The following ASNS variants were observed in gnomAD, a reference collection of about 807,000 sequenced individuals.
ASNS encodes the protein asparagine synthetase (glutamine-hydrolyzing).
A neutral mutation model predicts 62.6 loss-of-function variants in ASNS; 37 were observed. The observed-to-expected ratio is 0.59, with a 90% CI of 0.45 to 0.78. The LOEUF (loss-of-function observed/expected upper bound fraction) is 0.78. Ranked by LOEUF, ASNS falls within the 30% of genes least tolerant of loss-of-function variation. The pLI is 0.00. For synonymous variants in ASNS, 207 were observed against 237.9 expected (o/e 0.87, Z 1.19); for missense variants, 520 against 682.4 (o/e 0.76, Z 2.65).
intron 3 of ASNS, among the ~76,000 whole-genome samples, chr7:97,868,617 T>C (rs1206017501): frequency 6.6e-6 from 1 of 152,128 alleles, no homozygotes; most frequent in Non-Finnish European, 1.5e-5. Flanking sequence ...TTCTGTTCTT[T>C]ACTGTATGTT....
the ASNS span, chr7:97,898,499 C>A: frequency 1.8e-6 from 1 of 556,038 alleles, no homozygotes; most frequent in Admixed American, 2.4e-5. Flanking sequence ...CTAATGAAGA[C>A]ATCATGGAGA....
chr7:97,928,379 C>T, the ASNS span: 41 of 805,642 alleles, frequency 5.1e-5, no homozygotes, highest in Non-Finnish European at 5.7e-6. Flanking sequence ...GGCGTCTGAG[C>T]GCGGGCTCGG....
the ASNS span, among the ~76,000 whole-genome samples, chr7:97,912,100 C>G: frequency 4.6e-5 from 7 of 152,148 alleles, no homozygotes; most frequent in African/African-American, 1.4e-4. Flanking sequence ...GGACTCCTCC[C>G]GCAAGTTTAG....
intron 8 of ASNS, among the ~76,000 whole-genome samples, 169 bp from the exon 9 acceptor site, chr7:97,855,628 T>C (rs191427523): frequency 2.4e-4 from 37 of 152,346 alleles, no homozygotes; most frequent in Non-Finnish European, 4.9e-4. Flanking sequence ...CATTTATATG[T>C]ACTTAATCCA....
chr7:97,892,305 C>A, the ASNS span, among the ~76,000 whole-genome samples: 1 of 152,176 alleles, frequency 6.6e-6, no homozygotes, highest in African/African-American at 2.4e-5. Flanking sequence ...ACCATCTTTT[C>A]TTCCTAGGCC....
chr7:97,884,485 G>A, the ASNS span, among the ~76,000 whole-genome samples: 1 of 152,212 alleles, frequency 6.6e-6, no homozygotes, highest in East Asian at 1.9e-4. Context: ...GGAGGCAGAG[G>A]TTGCCGTGAG....
the ASNS span, among the ~76,000 whole-genome samples, chr7:97,894,546 C>T: frequency 1.4e-4 from 17 of 119,700 alleles, no homozygotes; most frequent in African/African-American, 5.3e-4. Flanking sequence ...GGAGACATTA[C>T]AACTGTTACC....
chr7:97,918,805 G>A, the ASNS span, among the ~76,000 whole-genome samples: 9 of 152,206 alleles, frequency 5.9e-5, no homozygotes, highest in African/African-American at 1.2e-4. Context: ...GTGGGAGAGC[G>A]TTAGGACAAA....
chr7:97,909,335 G>T, the ASNS span, among the ~76,000 whole-genome samples: 32 of 115,392 alleles, frequency 2.8e-4, no homozygotes, highest in African/African-American at 1.0e-3. Context: ...ACAGAGTCTC[G>T]CTCTGTCACC....
chr7:97,854,900 A>G (rs1411365468), intron 9 of ASNS: 9 of 672,126 alleles, frequency 1.3e-5, no homozygotes, highest in East Asian at 1.2e-4. Context: ...GGCAACAGTC[A>G]TAATTCCACA....
Position 97,856,740 on chromosome 7 carries a change from A to T in ASNS, c.980T>A (p.Val327Asp). The T allele has an allele frequency of 6.2e-7, 1 of 1,613,644 alleles. No homozygotes were observed. Among genetic ancestry groups the T allele is most frequent in the Non-Finnish European group, 8.5e-7 (1 of 1,179,686 alleles). ...GTCATAAGTTTCCAAGGAAAATATG[A>T]CTTCATCCAGAGCCTGAATGCCTTC... Reference protein sequence around the residue: ...SEEGIQALDEVIFSLETYDIT... With the variant: ...SEEGIQALDEDIFSLETYDIT... The change falls in exon 8 of 13, where the codon GTC becomes GAC. Residue 327 changes from valine to aspartate, a missense_variant. Transcript: ENST00000394308.
At chr7:97,899,964 A>T in the ASNS span, among the ~76,000 whole-genome samples, 1 of 152,240 alleles carries the variant, frequency 6.6e-6, no homozygotes, top group African/African-American at 2.4e-5. Flanking sequence ...GTGGCCAATA[A>T]GCACATGAAA....
chr7:97,894,368 C>A, the ASNS span, among the ~76,000 whole-genome samples: 22 of 145,946 alleles, frequency 1.5e-4, no homozygotes, highest in Admixed American at 3.5e-4. Context: ...ATATAAATAA[C>A]ATAGCAGAAC....
chr7:97,861,384 G>A (rs1791712413), intron 4 of ASNS, among the ~76,000 whole-genome samples: 3 of 152,134 alleles, frequency 2.0e-5, no homozygotes, highest in Admixed American at 2.0e-4. Flanking sequence ...TTTTGCATAT[G>A]GTTACATATC....
chr7:97,863,796 G>A (rs1278606869), intron 4 of ASNS: 1 of 153,660 alleles, frequency 6.5e-6, no homozygotes, highest in Non-Finnish European at 1.4e-5. Context: ...TTGGAGTGTT[G>A]TTTACCAACA....
At chr7:97,900,425 A>G in the ASNS span, among the ~76,000 whole-genome samples, 114 of 152,022 alleles carry the variant, frequency 7.5e-4, no homozygotes, top group Non-Finnish European at 1.4e-3. Context: ...GAGAAATTAG[A>G]ACCTTCATAC....
intron 4 of ASNS, chr7:97,863,042 G>T (rs1158472212): frequency 6.6e-6 from 1 of 152,166 alleles, no homozygotes; most frequent in Non-Finnish European, 1.5e-5. Flanking sequence ...CTGCTGGAGT[G>T]AATAAAAAAT....
the ASNS span, among the ~76,000 whole-genome samples, chr7:97,878,395 T>G: frequency 6.6e-6 from 1 of 152,132 alleles, no homozygotes; most frequent in Non-Finnish European, 1.5e-5. Context: ...AGTACGTGAC[T>G]GGGGCTGCAT....
chr7:97,854,975 C>CT lies in ASNS; in HGVS notation c.1138-296dup, dbSNP rs71532083. The CT allele has an allele frequency of 0.064, 15,512 of 244,144 alleles. 372 individuals are homozygous for CT. The highest frequency in any genetic ancestry group is 0.094 in the African/African-American group (3,687 of 39,084). 15.1% of individuals were successfully genotyped at this position (244,144 alleles called of 1,614,324 possible). On this transcript the variant is annotated intron_variant, in intron 9 of 12. Coordinates refer to ENST00000394308, the MANE Select transcript of ASNS (RefSeq NM_001673.5). ...AGTAGTTTTATTTATTTATTTTTAA[C>CT]TTTTTTTTTTTTTTTTTTAAGAGAC...
Sources: gnomAD v4.1 joint callset for allele counts (sites outside exome capture counted in the v4.1 genomes callset) on GRCh38, gnomAD v4.1.1 for gene constraint, MANE v1.5 for transcripts, NCBI Gene and HGNC (gene_info 2026-07-23, HGNC 2026-07-21) for gene names.